MYO18A: variants seen among roughly 807,000 people sequenced by gnomAD.
MYO18A encodes unconventional myosin-XVIIIa.
MYO18A carries 78 observed loss-of-function variants against 235.8 expected under a neutral mutation model. The observed-to-expected ratio is 0.33, with a 90% CI of 0.28 to 0.40. MYO18A has a LOEUF of 0.40. Among genes scored for constraint, MYO18A ranks in the 10% least tolerant of loss-of-function variants. The probability of loss-of-function intolerance (pLI) is 1.00; values close to 1 mark genes in which losing one functional copy is unlikely to be tolerated. For missense variants in MYO18A, 2,215 were observed against 2,699.3 expected (o/e 0.82, Z 3.98); for synonymous variants, 977 against 1,077.8 (o/e 0.91, Z 1.83).
chr17:29,073,853 C>A lies in MYO18A; in HGVS notation c.*917G>T. On this transcript the variant is annotated 3_prime_UTR_variant, in exon 42 of 42. Transcript: ENST00000527372. ...TTCAGTTTTTCTGATCACAAGTCCT[C>A]AACCCCAAGCCTTCCCTCTCAAGTT... 6.3e-7 allele frequency: 1 copy of A among 1,584,028 alleles called. No homozygotes were observed. Among genetic ancestry groups the A allele is most frequent in the South Asian group, 1.1e-5 (1 of 88,900 alleles).
chr17:29,165,445 G>GCT (rs1384959678), intron 2 of MYO18A: 1 of 154,008 alleles, frequency 6.5e-6, no homozygotes, highest in Admixed American at 6.5e-5. Flanking sequence ...CAACAGCAGA[G>GCT]CTCTCTCAAG....
At chr17:29,122,307 G>A (rs2067220581) in intron 2 of MYO18A, 54 bp from the exon 3 acceptor site, 1 of 1,522,052 alleles carries the variant, frequency 6.6e-7, no homozygotes, top group Non-Finnish European at 9.0e-7. Context: ...CAGGGACAAG[G>A]ACAGCCGTAG....
chr17:29,077,994 GC>G (rs2066025170), intron 41 of MYO18A: 1 of 152,066 alleles, frequency 6.6e-6, no homozygotes, highest in Admixed American at 6.5e-5. Flanking sequence ...AGGCTGAGAT[GC>G]CTGATCAAAT....
chr17:29,074,841 T>C lies in MYO18A; in HGVS notation c.6094A>G (p.Arg2032Gly). The stretch of plus-strand genomic sequence containing the variant: ...AGATAACTGTGGGAGTATCGCGGTC[T>C]GGAGGTGTTGTCGAGAGGGTCGTGC... The part of the protein sequence containing the change: ...DEHDPLDNTS[R>G]PRYSHSYLSD... Residue 2032 changes from arginine (R) to glycine (G), a missense_variant, in exon 42 of 42, where the codon AGA (arginine) becomes GGA (glycine). By Grantham distance (125) the Arg-to-Gly change is moderately radical. Transcript: ENST00000527372. The surrounding 1 kb of genome is among the most constrained non-coding windows in gnomAD (Gnocchi z 4.4). The C allele has an allele frequency of 6.2e-7, 1 of 1,613,958 alleles. No individual in the cohort carries two copies. Among genetic ancestry groups the C allele is most frequent in the South Asian group, 1.1e-5 (1 of 91,080 alleles).
In MYO18A at chr17:29,118,351, C is replaced by T. The variant is rs1218212407; in HGVS notation, c.1893+26G>A. Reference sequence around the variant, plus strand: ...TCCTACCCCCAAGGCCCAGGGCTGGCAACCCAGACCCCACAGACCCCTCAC... The same window carrying T: ...TCCTACCCCCAAGGCCCAGGGCTGGTAACCCAGACCCCACAGACCCCTCAC... On this transcript the variant is annotated intron_variant, in intron 9 of 41. Coordinates refer to ENST00000527372, the MANE Select transcript of MYO18A (RefSeq NM_078471.4). The surrounding 1 kb of genome is among the most constrained non-coding windows in gnomAD (Gnocchi z 4.2). The T allele has an allele frequency of 6.3e-7, 1 of 1,594,988 alleles. No homozygotes were observed. Among genetic ancestry groups the T allele is most frequent in the Non-Finnish European group, 8.6e-7 (1 of 1,165,750 alleles).
At chr17:29,167,760 C>T (rs983391348) in intron 1 of MYO18A, among the ~76,000 whole-genome samples, 2 of 151,966 alleles carry the variant, frequency 1.3e-5, no homozygotes, top group African/African-American at 4.8e-5. Context: ...TGCAACATCA[C>T]CTCCCACAGA....
At chr17:29,165,656 G>A (rs1034446598) in intron 2 of MYO18A, 23 of 397,116 alleles carry the variant, frequency 5.8e-5, no homozygotes, top group African/African-American at 3.0e-4. Context: ...TCCCAGACAA[G>A]GTTGAGAGAC....
Position 29,111,945 on chromosome 17 carries a change from C to A in MYO18A, c.2599-82G>T. The stretch of plus-strand genomic sequence containing the variant: ...GGGTGGTGCCGGGCCCAAACACACC[C>A]TACAGAATGCTACACATGTGCACAC... On this transcript the variant is annotated intron_variant, in intron 15 of 41. Transcript: ENST00000527372. The surrounding 1 kb of genome is among the most constrained non-coding windows in gnomAD (Gnocchi z 5.1). The A allele has an allele frequency of 6.7e-7, 1 of 1,494,144 alleles. No individual in the cohort carries two copies. Among genetic ancestry groups the A allele is most frequent in the Non-Finnish European group, 9.0e-7 (1 of 1,108,830 alleles). The allele number at this position is 1,494,144 out of a possible 1,614,324, so 92.6% of individuals were successfully genotyped here.
chr17:29,161,487 G>A (rs568138121), intron 2 of MYO18A, among the ~76,000 whole-genome samples: 5 of 150,482 alleles, frequency 3.3e-5, no homozygotes, highest in Non-Finnish European at 7.4e-5. Context: ...TCCAACCTGG[G>A]TGACAGCAAG....
chr17:29,097,845 C>G lies in MYO18A; in HGVS notation c.4045G>C (p.Glu1349Gln). Residue 1349 changes from glutamate (E) to glutamine (Q), a missense_variant, in exon 26 of 42, where the codon GAG (glutamate) becomes CAG (glutamine). Glu to Gln is a conservative substitution (Grantham distance 29, BLOSUM62 2). Coordinates refer to ENST00000527372, the MANE Select transcript of MYO18A (RefSeq NM_078471.4). Reference protein sequence around the residue: ...QMEVMEMEVMEARLIRAAEIN... With the variant: ...QMEVMEMEVMQARLIRAAEIN... Reference sequence around the variant, plus strand: ...TCCGCTGCCCGGATGAGACGGGCCTCCATCACCTCCATTTCCATAACCTCC... The same window carrying G: ...TCCGCTGCCCGGATGAGACGGGCCTGCATCACCTCCATTTCCATAACCTCC... The G allele has an allele frequency of 6.2e-7, 1 of 1,613,926 alleles. No individual in the cohort carries two copies. The highest frequency in any genetic ancestry group is 8.5e-7 in the Non-Finnish European group (1 of 1,179,832).
In MYO18A at chr17:29,118,446, G is replaced by C. The variant is rs771958216; in HGVS notation, c.1830-6C>G. 4.4e-6 allele frequency: 7 copies of C among 1,597,172 alleles called. No individual in the cohort carries two copies. Among genetic ancestry groups the C allele is most frequent in the Non-Finnish European group, 6.0e-6 (7 of 1,166,906 alleles). On this transcript the variant is annotated splice_region_variant and splice_polypyrimidine_tract_variant and intron_variant, in intron 8 of 41. Coordinates refer to ENST00000527372, the MANE Select transcript of MYO18A (RefSeq NM_078471.4). This position sits in a 1 kb window ranked among gnomAD's most constrained non-coding sequence, Gnocchi z 4.2. ...GGTTGAGGTGGAGCTCTGTCCTAGG[G>C]GTACAAATAAGGCATCAGCACGGCA...
chr17:29,148,204 T>C (rs2067888887), intron 2 of MYO18A, among the ~76,000 whole-genome samples: 3 of 152,180 alleles, frequency 2.0e-5, no homozygotes, highest in Non-Finnish European at 4.4e-5. Context: ...TCTGACCCCA[T>C]TTGTCCCTCT....
chr17:29,073,885 A>G lies in MYO18A; in HGVS notation c.*885T>C. On this transcript the variant is annotated 3_prime_UTR_variant, in exon 42 of 42. Transcript: ENST00000527372. ...AAGCCTTCCCTCTCAAGTTGAGTTT[A>G]TGGTCCAGACCACCTGGACAGAGCA... The G allele has an allele frequency of 6.3e-7, 1 of 1,598,408 alleles. No individual in the cohort carries two copies. Among genetic ancestry groups the G allele is most frequent in the Non-Finnish European group, 8.6e-7 (1 of 1,167,350 alleles).
Position 29,121,865 on chromosome 17 carries a change from C to T in MYO18A, c.1180G>A (p.Asp394Asn), listed in dbSNP as rs1480389483. ...HDGAILDVDEDDVEKANAPSC... is the reference protein window; with the variant it reads ...HDGAILDVDENDVEKANAPSC... Reference sequence around the variant, plus strand: ...TGCCCACCTACCTTCTCAACGTCATCCTCATCCACATCCAGGATGGCCCCA... The same window carrying T: ...TGCCCACCTACCTTCTCAACGTCATTCTCATCCACATCCAGGATGGCCCCA... The change falls in exon 4 of 42, where the codon GAT (aspartate) becomes AAT (asparagine). Residue 394 changes from aspartate to asparagine, a missense_variant. Physicochemically the swap from Asp to Asn is conservative, Grantham distance 23. Transcript: ENST00000527372. The surrounding 1 kb of genome is among the most constrained non-coding windows in gnomAD (Gnocchi z 4.2). 6.8e-6 allele frequency: 11 copies of T among 1,613,932 alleles called. No homozygotes were observed. The highest frequency in any genetic ancestry group is 9.3e-6 in the Non-Finnish European group (11 of 1,179,838).
intron 1 of MYO18A, among the ~76,000 whole-genome samples, chr17:29,175,096 G>C (rs890218659): frequency 3.4e-4 from 51 of 151,950 alleles, no homozygotes; most frequent in African/African-American, 1.1e-3. Context: ...ATAGACTTGT[G>C]TTTCATCCAT....
At chr17:29,078,783 C>T (rs1320282958) in intron 41 of MYO18A, 1 of 152,298 alleles carries the variant, frequency 6.6e-6, no homozygotes, top group African/African-American at 2.4e-5. Context: ...AAGGGCCTAA[C>T]TGCTAGATCT....
chr17:29,176,324 C>A (rs2068525561), intron 1 of MYO18A, among the ~76,000 whole-genome samples: 1 of 151,806 alleles, frequency 6.6e-6, no homozygotes, highest in South Asian at 2.1e-4. Flanking sequence ...AAATAGAGTT[C>A]ACTGGTGTCT....
chr17:29,174,294 C>T (rs2068472341), intron 1 of MYO18A, among the ~76,000 whole-genome samples: 1 of 152,026 alleles, frequency 6.6e-6, no homozygotes, highest in Non-Finnish European at 1.5e-5. Flanking sequence ...CTGCTTGAGT[C>T]CAGGAGTTTG....
intron 21 of MYO18A, among the ~76,000 whole-genome samples, chr17:29,101,716 A>G (rs1007868169): frequency 3.3e-5 from 5 of 152,196 alleles, no homozygotes; most frequent in Admixed American, 6.5e-5. Flanking sequence ...ACACATAGCC[A>G]CCTGACCAGG....
Sources: gnomAD v4.1 joint callset for allele counts (sites outside exome capture counted in the v4.1 genomes callset) on GRCh38, gnomAD v4.1.1 for gene constraint, Gnocchi (gnomAD v3.1) non-coding constraint, MANE v1.5 for transcripts, NCBI Gene and HGNC (gene_info 2026-07-23, HGNC 2026-07-21) for gene names.